RELN: variants seen among roughly 807,000 people sequenced by gnomAD.
RELN encodes reelin.
A neutral mutation model predicts 427.6 loss-of-function variants in RELN; 108 were observed. That is an observed-to-expected ratio of 0.25 (90% confidence interval 0.22 to 0.30). The LOEUF (loss-of-function observed/expected upper bound fraction) is 0.30. RELN is among the 10% of genes least tolerant of loss of function. The pLI, the probability that RELN is intolerant of heterozygous loss-of-function variation, is 1.00. For missense variants in RELN, 3,715 were observed against 4,302.8 expected, an observed-to-expected ratio of 0.86 and a Z score of 3.82; for synonymous variants, 1,524 against 1,513.4, an observed-to-expected ratio of 1.01 and a Z score of -0.16.
intron 28 of RELN, among the ~76,000 whole-genome samples, chr7:103,583,734 G>C (rs891563484): frequency 6.6e-6 from 1 of 152,212 alleles, no homozygotes; most frequent in African/African-American, 2.4e-5. Flanking sequence ...CAAGTAGCCA[G>C]CATGGCTGAG....
chr7:103,779,801 C>T (rs182220199), intron 3 of RELN, among the ~76,000 whole-genome samples: 183 of 152,260 alleles, frequency 1.2e-3, no homozygotes, highest in African/African-American at 4.0e-3. Flanking sequence ...GATCTTGGCT[C>T]GCTGCAACCA....
chr7:103,512,300 T>G (rs542823328), intron 50 of RELN, among the ~76,000 whole-genome samples: 1 of 152,196 alleles, frequency 6.6e-6, no homozygotes, highest in African/African-American at 2.4e-5. Flanking sequence ...ATGTTTAATT[T>G]GGCCAAAAGT....
intron 1 of RELN, among the ~76,000 whole-genome samples, chr7:103,966,859 T>C (rs4236566): frequency 0.7 from 106,877 of 152,080 alleles, 38,183 homozygotes; most frequent in African/African-American, 0.83. Flanking sequence ...ACATGGGAAC[T>C]TGCACATCTT....
chr7:103,932,520 G>A (rs1170561294), intron 1 of RELN, among the ~76,000 whole-genome samples: 2 of 152,144 alleles, frequency 1.3e-5, no homozygotes, highest in African/African-American at 4.8e-5. Context: ...AAATCTGCAC[G>A]TGTACCCCTG....
intron 22 of RELN, among the ~76,000 whole-genome samples, chr7:103,605,407 G>A (rs1469393145): frequency 6.6e-6 from 1 of 152,122 alleles, no homozygotes; most frequent in African/African-American, 2.4e-5. Context: ...AAATTAAACA[G>A]TTCATTACAC....
At chr7:103,749,525 T>C in intron 5 of RELN, 21 bp from the exon 6 acceptor site, 1 of 1,560,662 alleles carries the variant, frequency 6.4e-7, no homozygotes, top group Non-Finnish European at 8.8e-7. Flanking sequence ...AAGGAAGTAT[T>C]TAGGAAAGAA....
rs1195439198 is a variant in RELN, at chr7:103,968,011, T to C, written c.226+21120A>G. ...TATTTCTCAAACTGTATAGTTTATA[T>C]ATAAATATAAAATATATTTTGTATA... On this transcript the variant is annotated intron_variant, in intron 1 of 64. Coordinates refer to ENST00000428762, the MANE Select transcript of RELN (RefSeq NM_005045.4). The surrounding 1 kb of genome is among the most constrained non-coding windows in gnomAD (Gnocchi z 4.3). 6.7e-6 allele frequency among the ~76,000 whole-genome samples: 1 copy of C among 149,114 alleles called. No homozygotes were observed. Among genetic ancestry groups the C allele is most frequent in the African/African-American group, 2.4e-5 (1 of 41,020 alleles).
intron 43 of RELN, among the ~76,000 whole-genome samples, chr7:103,542,395 T>G (rs1830193753): frequency 6.6e-6 from 1 of 152,230 alleles, no homozygotes; most frequent in African/African-American, 2.4e-5. Flanking sequence ...GAAAAGTATG[T>G]TATACAGAAA....
chr7:103,802,435 A>G (rs892803641), intron 3 of RELN, among the ~76,000 whole-genome samples: 19 of 152,018 alleles, frequency 1.2e-4, no homozygotes, highest in African/African-American at 4.1e-4. Context: ...ATTACTGTAA[A>G]ACAAATCACA....
At chr7:103,830,820 AG>A (rs1257297990) in intron 3 of RELN, among the ~76,000 whole-genome samples, 1 of 152,076 alleles carries the variant, frequency 6.6e-6, no homozygotes, top group Non-Finnish European at 1.5e-5. Context: ...TACTCTATAA[AG>A]GTTTCAACAT....
At chr7:103,752,925 A>G (rs1173652044) in intron 5 of RELN, among the ~76,000 whole-genome samples, 1 of 152,074 alleles carries the variant, frequency 6.6e-6, no homozygotes, top group Non-Finnish European at 1.5e-5. Context: ...AAAAGCTTAC[A>G]CTCAATAGGA....
At chr7:103,648,807 AC>A (rs1832849946) in intron 16 of RELN, among the ~76,000 whole-genome samples, 1 of 152,094 alleles carries the variant, frequency 6.6e-6, no homozygotes. Context: ...TCAAAAGAAG[AC>A]ATACAAATGA....
chr7:103,653,767 C>G (rs1195194709), intron 13 of RELN, among the ~76,000 whole-genome samples: 1 of 152,042 alleles, frequency 6.6e-6, no homozygotes, highest in Non-Finnish European at 1.5e-5. Flanking sequence ...CTCATTATGA[C>G]TGACAGCAAG....
chr7:103,874,710 A>T (rs1425643868), intron 2 of RELN, among the ~76,000 whole-genome samples: 1 of 149,434 alleles, frequency 6.7e-6, no homozygotes, highest in Non-Finnish European at 1.5e-5. Context: ...ATAAAAGAGG[A>T]TACAAACAAA....
chr7:103,760,292 CAT>C (rs1425213066), intron 4 of RELN, among the ~76,000 whole-genome samples: 1 of 151,820 alleles, frequency 6.6e-6, no homozygotes, highest in Non-Finnish European at 1.5e-5. Context: ...CATTTCTGTG[CAT>C]ATGCTCTTTC....
intron 16 of RELN, among the ~76,000 whole-genome samples, chr7:103,643,388 C>G (rs1350669114): frequency 6.6e-6 from 1 of 151,970 alleles, no homozygotes; most frequent in African/African-American, 2.4e-5. Context: ...AACAATCAGG[C>G]AGGGATTCAC....
At chr7:103,659,854 C>T (rs1162353572) in intron 12 of RELN, among the ~76,000 whole-genome samples, 2 of 152,068 alleles carry the variant, frequency 1.3e-5, no homozygotes, top group Non-Finnish European at 2.9e-5. Context: ...CATTATTCTC[C>T]CCATTTGTAT....
intron 10 of RELN, among the ~76,000 whole-genome samples, chr7:103,682,993 T>C (rs377182950): frequency 6.6e-6 from 1 of 152,188 alleles, no homozygotes; most frequent in East Asian, 1.9e-4. Context: ...TAGTAAATGT[T>C]AGTTACTTTA....
At position 103,977,421 on chromosome 7, in the gene RELN, C is replaced by T. The variant is rs73713203; in HGVS notation, c.226+11710G>A. On this transcript the variant is annotated intron_variant, in intron 1 of 64. Transcript: ENST00000428762. The stretch of plus-strand genomic sequence containing the variant: ...CCTGTACGAGGAGAGGTCACCTATA[C>T]TGCAGTGTGCAACTTTCAGAAGAGA... Among the ~76,000 whole-genome samples the T allele has an allele frequency of 1.2e-3, 177 of 151,484 alleles. 2 individuals are homozygous for T. The highest frequency in any genetic ancestry group is 4.0e-3 in the African/African-American group (164 of 41,240).
Sources: allele counts gnomAD v4.1 joint callset (sites outside exome capture counted in the v4.1 genomes callset), GRCh38; gene constraint gnomAD v4.1.1; non-coding constraint Gnocchi (gnomAD v3.1); transcripts MANE v1.5; gene names NCBI Gene and HGNC (gene_info 2026-07-23, HGNC 2026-07-21).